DCDC2B: variants seen among roughly 807,000 people sequenced by gnomAD.
DCDC2B encodes doublecortin domain containing 2B.
DCDC2B carries 41 observed loss-of-function variants against 38.9 expected under a neutral mutation model. The ratio of observed to expected loss-of-function variants is 1.05; its 90% CI spans 0.82 to 1.37. DCDC2B has a LOEUF of 1.37. Among genes scored for constraint, DCDC2B ranks in the 40% most tolerant of loss-of-function variants. DCDC2B has a pLI of 0.00. For missense variants in DCDC2B, 453 were observed against 427.2 expected (o/e 1.06, Z -0.53); for synonymous variants, 181 against 171.9 (o/e 1.05, Z -0.41).
chr1:32,212,393 G>A, intron 4 of DCDC2B, 97 bp from the exon 5 acceptor site: 2 of 1,556,208 alleles, frequency 1.3e-6, no homozygotes, highest in Non-Finnish European at 8.7e-7. Flanking sequence ...AGAGGCCAGA[G>A]GGCACCTTGG....
Position 32,212,582 on chromosome 1 carries a change from A to G in DCDC2B, c.620A>G (p.Asp207Gly). 1.9e-6 allele frequency: 3 copies of G among 1,613,928 alleles called. No individual in the cohort carries two copies. In the South Asian group the frequency reaches 3.3e-5, roughly 18 times the overall value. Residue 207 changes from aspartate to glycine, a missense_variant, in exon 5 of 9, where the codon GAC becomes GGC. Coordinates refer to ENST00000409358, the MANE Select transcript of DCDC2B (RefSeq NM_001099434.2). ...YVAVGEDEFK[D>G]LPYLELLVPS... ...GCTGTCGGAGAGGATGAGTTCAAGGACCTTCCCTATCTGGAGCTGCTGGTG... is the reference window on the plus strand; with the variant it reads ...GCTGTCGGAGAGGATGAGTTCAAGGGCCTTCCCTATCTGGAGCTGCTGGTG...
chr1:32,209,469 C>T, intron 1 of DCDC2B, 110 bp downstream of exon 1: 1 of 1,473,504 alleles, frequency 6.8e-7, no homozygotes, highest in South Asian at 1.3e-5. Context: ...TTACTGAACT[C>T]TATGTAGGGG....
intron 1 of DCDC2B, among the ~76,000 whole-genome samples, chr1:32,210,014 G>A (rs996798916): frequency 2.6e-5 from 4 of 152,090 alleles, no homozygotes; most frequent in East Asian, 1.9e-4. Context: ...CCAACATGGC[G>A]AAACTCTGTC....
rs1166668222 is a variant in DCDC2B at position 32,209,199 on chromosome 1, A to G, written c.106A>G (p.Met36Val). ...LVVTQRRFPT[M>V]EAFLCEVTSA... ...GGTGACTCAACGCCGCTTCCCCACC[A>G]TGGAGGCCTTCCTCTGCGAGGTGAC... Residue 36 changes from methionine to valine, a missense_variant, in exon 1 of 9, where the codon ATG becomes GTG. Met to Val is a conservative substitution (Grantham distance 21). Transcript: ENST00000409358. 1.9e-6 allele frequency: 3 copies of G among 1,613,964 alleles called. No individual in the cohort carries two copies. Among genetic ancestry groups the G allele is most frequent in the Non-Finnish European group, 1.7e-6 (2 of 1,179,856 alleles).
rs115145784 is a variant in DCDC2B at position 32,211,803 on chromosome 1, C to T, written c.361C>T (p.Arg121Trp). The T allele has an allele frequency of 5.3e-4, 853 of 1,610,696 alleles. 3 individuals carry two copies. In the African/African-American group the frequency reaches 9.6e-3, roughly 18 times the overall value. Residue 121 changes from arginine to tryptophan, a missense_variant, in exon 3 of 9, where the codon CGG becomes TGG. Coordinates refer to ENST00000409358, the MANE Select transcript of DCDC2B (RefSeq NM_001099434.2). ...TRHLCDGAIG[R>W]QLPAGAPSYI... ...CCACTTGTGTGATGGGGCCATTGGA[C>T]GGCAGCTGCCTGCAGGTGCTCCCAG... is the stretch of plus-strand genomic sequence containing the variant.
At chr1:32,211,988 T>C (rs951369960) in intron 3 of DCDC2B, 82 bp from the exon 4 acceptor site, 39 of 1,558,394 alleles carry the variant, frequency 2.5e-5, no homozygotes, top group Middle Eastern at 1.7e-4. Context: ...AGTGTTATGG[T>C]TATTGCTGGC....
chr1:32,211,784 G>T lies in DCDC2B; in HGVS notation c.342G>T (p.Leu114Phe). 6.2e-7 allele frequency: 1 copy of T among 1,610,660 alleles called. No homozygotes were observed. Among genetic ancestry groups the T allele is most frequent in the Non-Finnish European group, 8.5e-7 (1 of 1,178,514 alleles). Residue 114 changes from leucine (L) to phenylalanine (F), a missense_variant, in exon 3 of 9, where the codon TTG (leucine) becomes TTT (phenylalanine). Coordinates refer to ENST00000409358, the MANE Select transcript of DCDC2B (RefSeq NM_001099434.2). ...RLQGPPVTRH[L>F]CDGAIGRQLP... ...AGGGTCCTCCCGTGACTCGCCACTT[G>T]TGTGATGGGGCCATTGGACGGCAGC... is the stretch of plus-strand genomic sequence containing the variant.
Position 32,215,892 on chromosome 1 carries a change from T to A in DCDC2B, c.1045T>A (p.Ser349Thr). The stretch of plus-strand genomic sequence containing the variant: ...CTCAGCCTCAGCCCCAGCTCTGCCA[T>A]CTTGAGAGCCAGCAGCTCCAGAGGG... ...AISASAPALPS is the reference protein window; with the variant it reads ...AISASAPALPT The change falls in exon 9 of 9, where the codon TCT (serine) becomes ACT (threonine). Residue 349 changes from serine to threonine, a missense_variant. Coordinates refer to ENST00000409358, the MANE Select transcript of DCDC2B (RefSeq NM_001099434.2). 6.4e-7 allele frequency: 1 copy of A among 1,550,878 alleles called. No homozygotes were observed. Among genetic ancestry groups the A allele is most frequent in the Non-Finnish European group, 8.7e-7 (1 of 1,146,866 alleles).
intron 6 of DCDC2B, chr1:32,214,514 C>T (rs1289140466): frequency 2.4e-6 from 1 of 425,346 alleles, no homozygotes; most frequent in Admixed American, 3.8e-5. Context: ...TAAGCCCTCC[C>T]AAGAAATGAG....
At chr1:32,213,503 ATTTTT>A (rs4012160) in intron 6 of DCDC2B, among the ~76,000 whole-genome samples, 6 of 116,578 alleles carry the variant, frequency 5.1e-5, no homozygotes, top group East Asian at 2.4e-4. Flanking sequence ...CACCCGGCTA[ATTTTT>A]TTTTTTTTTT....
chr1:32,215,969 T>C lies in DCDC2B; in HGVS notation c.*72T>C. On this transcript the variant is annotated 3_prime_UTR_variant, in exon 9 of 9. Coordinates refer to ENST00000409358, the MANE Select transcript of DCDC2B (RefSeq NM_001099434.2). ...CTTTTGTCCTTAGCCTCCAGCAGCTTGTTCCTCAGGAGCCAGCACCTCCGC... is the reference window on the plus strand; with the variant it reads ...CTTTTGTCCTTAGCCTCCAGCAGCTCGTTCCTCAGGAGCCAGCACCTCCGC... The C allele has an allele frequency of 7.7e-7, 1 of 1,302,086 alleles. No individual in the cohort carries two copies. The highest frequency in any genetic ancestry group is 1.1e-6 in the Non-Finnish European group (1 of 925,336). The allele number at this position is 1,302,086 out of a possible 1,614,324, so 80.7% of individuals were successfully genotyped here.
At chr1:32,215,045 C>T (rs1437267713) in intron 7 of DCDC2B, 113 bp downstream of exon 7, 14 of 1,387,706 alleles carry the variant, frequency 1.0e-5, no homozygotes, top group African/African-American at 9.2e-5. Context: ...GACACAAAGC[C>T]GGCACTGGAA....
intron 2 of DCDC2B, 110 bp from the exon 3 acceptor site, chr1:32,211,651 C>T: frequency 9.0e-7 from 1 of 1,107,542 alleles, no homozygotes; most frequent in Non-Finnish European, 1.3e-6. Flanking sequence ...CCTCCTCGCC[C>T]CCTTCCTGCC....
At chr1:32,213,891 A>G (rs1336075012) in intron 6 of DCDC2B, among the ~76,000 whole-genome samples, 3 of 151,818 alleles carry the variant, frequency 2.0e-5, no homozygotes, top group Non-Finnish European at 4.4e-5. Flanking sequence ...CCCTCAGGTG[A>G]TCTGCCCACC....
At chr1:32,212,296 A>G in intron 4 of DCDC2B, 95 bp downstream of exon 4, 3 of 1,567,552 alleles carry the variant, frequency 1.9e-6, no homozygotes, top group Non-Finnish European at 2.6e-6. Flanking sequence ...AAAGGAAAGC[A>G]TGTTCCCCCA....
chr1:32,209,992 A>C (rs1389790636), intron 1 of DCDC2B, among the ~76,000 whole-genome samples: 4 of 152,188 alleles, frequency 2.6e-5, no homozygotes, highest in African/African-American at 9.7e-5. Flanking sequence ...CAGGTGTTCG[A>C]GACCAGCCTG....
At chr1:32,213,845 AG>A (rs1643686505) in intron 6 of DCDC2B, among the ~76,000 whole-genome samples, 1 of 150,836 alleles carries the variant, frequency 6.6e-6, no homozygotes, top group South Asian at 2.1e-4. Context: ...TAGTAGAGAC[AG>A]GGTTTCTCCA....
chr1:32,209,306 G>A lies in DCDC2B; in HGVS notation c.213G>A (p.Leu71=). The A allele has an allele frequency of 1.9e-6, 3 of 1,614,010 alleles. No individual in the cohort carries two copies. The highest frequency in any genetic ancestry group is 2.5e-6 in the Non-Finnish European group (3 of 1,179,890). ...HGHPVTNLAD[L]KNRGQYVAAG... ...ACCCTGTCACCAACCTGGCAGACTT[G>A]AAGAACAGAGGGCAGTATGTGGCCG... Residue 71 remains leucine, a synonymous_variant, in exon 1 of 9, where the codon TTG becomes TTA. Coordinates refer to ENST00000409358, the MANE Select transcript of DCDC2B (RefSeq NM_001099434.2).
rs965030156 is a variant in DCDC2B, at chr1:32,215,686, G to C, written c.955-116G>C. On this transcript the variant is annotated intron_variant, in intron 8 of 8. Coordinates refer to ENST00000409358, the MANE Select transcript of DCDC2B (RefSeq NM_001099434.2). ...CTAACTTCCTACCTTGTTAAATGAG[G>C]AAGCAGTTCCTAATTTCCAGTTTCT... 3 of 1,111,306 alleles carry C rather than the reference G, an allele frequency of 2.7e-6. No individual in the cohort carries two copies. The African/African-American group carries it at 4.8e-5, about 18-fold the overall frequency. 68.8% of individuals were successfully genotyped at this position (1,111,306 alleles called of 1,614,324 possible). A position where few individuals can be genotyped will look rare whatever the true frequency, so the allele number is the denominator to read the frequency against.
Sources: allele counts gnomAD v4.1 joint callset (sites outside exome capture counted in the v4.1 genomes callset), GRCh38; gene constraint gnomAD v4.1.1; transcripts MANE v1.5; gene names NCBI Gene and HGNC (gene_info 2026-07-23, HGNC 2026-07-21).